The following MROH7 variants were observed in gnomAD, a reference collection of about 807,000 sequenced individuals.
MROH7 encodes maestro heat like repeat family member 7.
In MROH7, 113 loss-of-function variants were observed where a neutral mutation model predicts 129.2. That is an observed-to-expected ratio of 0.87 (90% CI 0.75 to 1.02). The LOEUF is 1.02. Among genes scored for constraint, MROH7 ranks in the 50% least tolerant of loss-of-function variants. MROH7 has a pLI of 0.00. For synonymous variants in MROH7, 655 were observed against 667.9 expected (o/e 0.98, Z 0.30); for missense variants, 1,601 against 1,671.3 (o/e 0.96, Z 0.73).
At chr1:54,687,866 TTC>T (rs1374044546) in intron 15 of MROH7, among the ~76,000 whole-genome samples, 3 of 143,776 alleles carry the variant, frequency 2.1e-5, no homozygotes, top group Admixed American at 1.5e-4. Context: ...TTTGCTTTTT[TTC>T]TTTCTTTTTT....
intron 19 of MROH7, 46 bp downstream of exon 19, chr1:54,701,368 G>T: frequency 6.8e-7 from 1 of 1,478,826 alleles, no homozygotes. Flanking sequence ...CGAGAAGGGG[G>T]TCTTTTACTA....
In MROH7 at chr1:54,699,156, TTCTTTTC is replaced by T. The variant is rs1221341865; in HGVS notation, c.2965-1163_2965-1157del. 1.6e-4 allele frequency: 14 copies of T among 85,686 alleles called. 1 individual carries two copies. The highest frequency in any genetic ancestry group is 6.5e-4 in the African/African-American group (14 of 21,646). 5.3% of individuals were successfully genotyped at this position (85,686 alleles called of 1,614,324 possible). ...TTTCTTTCTTTCTTTCTTTCTTTCT[TTCTTTTC>T]TTTCTTTCTTTCTTTCTTTCTTTCT... On this transcript the variant is annotated intron_variant, in intron 17 of 23. Transcript: ENST00000421030.
intron 1 of MROH7, among the ~76,000 whole-genome samples, chr1:54,648,380 T>TTTATTTA (rs1644504237): frequency 1.2e-5 from 1 of 84,108 alleles, no homozygotes; most frequent in African/African-American, 5.2e-5. Flanking sequence ...TTATTTATTT[T>TTTATTTA]TTGAGACGGA....
chr1:54,660,285 C>A (rs1404640422), intron 3 of MROH7, among the ~76,000 whole-genome samples: 1 of 152,132 alleles, frequency 6.6e-6, no homozygotes, highest in Non-Finnish European at 1.5e-5. Context: ...CTGTATGAAG[C>A]CTCTTTTATA....
intron 1 of MROH7, among the ~76,000 whole-genome samples, chr1:54,648,796 G>C (rs2082607): frequency 0.39 from 59,005 of 152,082 alleles, 11,746 homozygotes; most frequent in African/African-American, 0.44. Context: ...GGGAACTGGA[G>C]TAGGGTCTGG....
Position 54,709,016 on chromosome 1 carries a change from T to C in MROH7, c.3670T>C (p.Ser1224Pro). The C allele has an allele frequency of 6.2e-7, 1 of 1,613,988 alleles. No individual in the cohort carries two copies. Among genetic ancestry groups the C allele is most frequent in the Non-Finnish European group, 8.5e-7 (1 of 1,179,968 alleles). Residue 1224 changes from serine to proline, a missense_variant and splice_region_variant, in exon 23 of 24, where the codon TCC becomes CCC. Transcript: ENST00000421030. ...TCACTTCTTGGATTACGCTCAAGGG[T>C]CCCTGGTCCCCTGCATGGAGAGCAT... ...LRKCSVMFIG[S>P]LVPCMESIMT... is the part of the protein sequence containing the mutation.
At chr1:54,681,039 CAGTGTCAGG>C (rs1293073282) in intron 13 of MROH7, among the ~76,000 whole-genome samples, 2 of 152,108 alleles carry the variant, frequency 1.3e-5, no homozygotes, top group African/African-American at 4.8e-5. Context: ...CAGGACAGGG[CAGTGTCAGG>C]AGCTCCTCCT....
At chr1:54,648,796 G>A (rs2082607) in intron 1 of MROH7, among the ~76,000 whole-genome samples, 1 of 152,026 alleles carries the variant, frequency 6.6e-6, no homozygotes, top group Non-Finnish European at 1.5e-5. Context: ...GGGAACTGGA[G>A]TAGGGTCTGG....
intron 3 of MROH7, 99 bp downstream of exon 3, chr1:54,654,256 C>A: frequency 8.4e-7 from 1 of 1,195,412 alleles, no homozygotes; most frequent in Non-Finnish European, 1.1e-6. Flanking sequence ...AAGGGGACAG[C>A]AGGCAGTTGA....
chr1:54,669,825 C>G (rs1487362200), intron 5 of MROH7, among the ~76,000 whole-genome samples: 1 of 151,744 alleles, frequency 6.6e-6, no homozygotes, highest in Non-Finnish European at 1.5e-5. Flanking sequence ...AATGGCGAAA[C>G]CCCATCTCTA....
chr1:54,708,763 T>A (rs1645575941), intron 22 of MROH7, among the ~76,000 whole-genome samples: 1 of 152,228 alleles, frequency 6.6e-6, no homozygotes, highest in Non-Finnish European at 1.5e-5. Context: ...AGCCTCAGGC[T>A]GCACTGTCAG....
At chr1:54,644,663 T>C (rs1007013164) in intron 1 of MROH7, among the ~76,000 whole-genome samples, 4 of 144,102 alleles carry the variant, frequency 2.8e-5, no homozygotes, top group Non-Finnish European at 6.2e-5. Flanking sequence ...TCTTCTGTTT[T>C]TTAATGTAAA....
chr1:54,670,666 A>ACC, intron 6 of MROH7, 90 bp downstream of exon 6: 1 of 426,312 alleles, frequency 2.3e-6, no homozygotes, highest in Non-Finnish European at 3.6e-6. Context: ...ACCCTCCCCC[A>ACC]ACCCGCCCCC....
At chr1:54,670,753 A>C in intron 6 of MROH7, 47 bp from the exon 7 acceptor site, 1 of 1,601,190 alleles carries the variant, frequency 6.2e-7, no homozygotes, top group African/African-American at 1.4e-5. Flanking sequence ...CTATAGCCAT[A>C]GGGCCCCTCT....
At position 54,692,439 on chromosome 1, in the gene MROH7, G is replaced by T. The variant is rs2101173636; in HGVS notation, c.2727G>T (p.Val909=). 1 of 1,614,106 alleles carries T rather than the reference G, an allele frequency of 6.2e-7. No individual in the cohort carries two copies. Among genetic ancestry groups the T allele is most frequent in the African/African-American group, 1.3e-5 (1 of 75,040 alleles). The change falls in exon 16 of 24, where the codon GTG becomes GTT. Residue 909 remains valine, a synonymous_variant. Transcript: ENST00000421030. ...PFVPVRWVVK[V]VKTLLLRMGC... ...GTCTTGGCAGCTGGGTGGTGAAAGT[G>T]GTGAAAACCCTGCTACTGAGGATGG...
At chr1:54,686,957 C>T (rs184635852) in intron 15 of MROH7, among the ~76,000 whole-genome samples, 67 of 152,306 alleles carry the variant, frequency 4.4e-4, no homozygotes, top group African/African-American at 1.5e-3. Flanking sequence ...TGTATTTTTA[C>T]ACCAATGACA....
intron 13 of MROH7, 49 bp from the exon 14 acceptor site, chr1:54,682,607 G>A (rs771049151): frequency 3.8e-6 from 6 of 1,574,970 alleles, no homozygotes; most frequent in South Asian, 1.2e-5. Context: ...GGCTGGGTTA[G>A]CCCCACTGCC....
Position 54,682,658 on chromosome 1 carries a change from A to G in MROH7, c.2384A>G (p.Asn795Ser), listed in dbSNP as rs756820109. The G allele has an allele frequency of 6.2e-7, 1 of 1,612,614 alleles. No homozygotes were observed. The highest frequency in any genetic ancestry group is 8.5e-7 in the Non-Finnish European group (1 of 1,179,288). ...LLMCPLPLNS[N>S]GAEMWRQLIL... ...TGCCCACATCCCTGACCTCTCAGCA[A>G]TGGAGCAGAGATGTGGAGGCAGCTG... The change falls in exon 14 of 24, where the codon AAT becomes AGT. Residue 795 changes from asparagine (N) to serine (S), a missense_variant and splice_region_variant. Coordinates refer to ENST00000421030, the MANE Select transcript of MROH7 (RefSeq NM_001039464.4).
chr1:54,682,802 C>T lies in MROH7; in HGVS notation c.2520+8C>T. ...TCCATCGTGCCCCTGGCGGTGAGCACCCAGTCAGCCAGCCCCTATTGCTGC... is the reference window on the plus strand; with the variant it reads ...TCCATCGTGCCCCTGGCGGTGAGCATCCAGTCAGCCAGCCCCTATTGCTGC... On this transcript the variant is annotated splice_region_variant and intron_variant, in intron 14 of 23. Transcript: ENST00000421030. 1.2e-6 allele frequency: 2 copies of T among 1,608,634 alleles called. No homozygotes were observed. Among genetic ancestry groups the T allele is most frequent in the South Asian group, 1.1e-5 (1 of 90,758 alleles).
Sources: gnomAD v4.1 joint callset for allele counts (sites outside exome capture counted in the v4.1 genomes callset) on GRCh38, gnomAD v4.1.1 for gene constraint, MANE v1.5 for transcripts, NCBI Gene and HGNC (gene_info 2026-07-23, HGNC 2026-07-21) for gene names.